Variants in USP53 observed in about 807,000 individuals in gnomAD.
The protein encoded by USP53 is ubiquitin specific peptidase 53.
Under a neutral mutation model 94.9 loss-of-function variants are expected in USP53, and 71 were observed. The ratio of observed to expected loss-of-function variants is 0.75; its 90% CI spans 0.62 to 0.91. The LOEUF (loss-of-function observed/expected upper bound fraction) is 0.91. USP53 is among the 40% of genes least tolerant of loss of function. The probability of loss-of-function intolerance (pLI) is 0.00; values close to 1 mark genes in which losing one functional copy is unlikely to be tolerated. For synonymous variants in USP53, 375 were observed against 422.7 expected (o/e 0.89, Z 1.39); for missense variants, 1,173 against 1,281.0 (o/e 0.92, Z 1.29).
chr4:119,220,174 A>G (rs113945497), intron 3 of USP53: 9 of 152,272 alleles, frequency 5.9e-5, no homozygotes, highest in African/African-American at 2.2e-4. Flanking sequence ...CGCATAAGAC[A>G]TTGGTATTGG....
At chr4:119,229,472 C>G (rs1365319840) in intron 3 of USP53, among the ~76,000 whole-genome samples, 1 of 152,162 alleles carries the variant, frequency 6.6e-6, no homozygotes, top group Non-Finnish European at 1.5e-5. Flanking sequence ...GAAACTCATT[C>G]ATTTTATCCC....
intron 3 of USP53, chr4:119,219,262 G>A (rs1744196136): frequency 6.6e-6 from 1 of 152,156 alleles, no homozygotes; most frequent in Non-Finnish European, 1.5e-5. Context: ...CCAAAATCCA[G>A]GTGTCAGCAG....
intron 17 of USP53, among the ~76,000 whole-genome samples, chr4:119,287,346 C>T (rs72912496): frequency 0.018 from 2,701 of 151,896 alleles, 96 homozygotes; most frequent in African/African-American, 0.062. Flanking sequence ...CTATATGGAG[C>T]GATGTTGGCA....
Position 119,248,760 on chromosome 4 carries a change from C to T in USP53, c.250C>T (p.Gln84Ter), listed in dbSNP as rs1748581300. Residue 84 changes from glutamine to a stop codon, truncating the protein, a stop_gained, in exon 7 of 19, where the codon CAG becomes TAG. Transcript: ENST00000692078. LOFTEE classifies it high-confidence loss of function. ...TGTCGATTCCCAGACGATATTTGCA[C>T]AGTTCCAACACAGTCGAGAAAAAGC... ...IFCALKTIFA[Q>*]FQHSREKALP... 1 of 1,611,070 alleles carries T rather than the reference C, an allele frequency of 6.2e-7. No individual in the cohort carries two copies. The highest frequency in any genetic ancestry group is 1.7e-5 in the Admixed American group (1 of 59,436).
At chr4:119,274,330 G>A (rs1752300334) in intron 17 of USP53, among the ~76,000 whole-genome samples, 2 of 144,652 alleles carry the variant, frequency 1.4e-5, no homozygotes, top group Admixed American at 1.5e-4. Flanking sequence ...TCCCACCTAT[G>A]AGTGAGAATA....
Position 119,248,839 on chromosome 4 carries a change from A to G in USP53, c.329A>G (p.Gln110Arg). Residue 110 changes from glutamine (Q) to arginine (R), a missense_variant, in exon 7 of 19, where the codon CAG (glutamine) becomes CGG (arginine). Transcript: ENST00000692078. The part of the protein sequence containing the change: ...HALAESFKDE[Q>R]RFQLGLMDDA... ...CTTGCAGAAAGTTTCAAAGATGAGC[A>G]GCGATTTCAACTTGGCCTTATGGAT... 6.2e-7 allele frequency: 1 copy of G among 1,614,186 alleles called. No homozygotes were observed. The highest frequency in any genetic ancestry group is 8.5e-7 in the Non-Finnish European group (1 of 1,180,030).
At chr4:119,231,009 T>C (rs941032028) in intron 3 of USP53, among the ~76,000 whole-genome samples, 3 of 152,022 alleles carry the variant, frequency 2.0e-5, no homozygotes, top group South Asian at 4.2e-4. Context: ...AGTCAGTAGG[T>C]CAAGTCAAGT....
intron 3 of USP53, among the ~76,000 whole-genome samples, chr4:119,227,251 A>AAC (rs1382891993): frequency 1.4e-5 from 2 of 141,290 alleles, no homozygotes; most frequent in Non-Finnish European, 3.0e-5. Context: ...AGCCTTGTCT[A>AAC]ACACTACACA....
At chr4:119,227,256 T>TAC (rs3138727) in intron 3 of USP53, among the ~76,000 whole-genome samples, 6,065 of 125,050 alleles carry the variant, frequency 0.049, 159 homozygotes, top group South Asian at 0.068. Context: ...TGTCTAACAC[T>TAC]ACACACACAC....
chr4:119,226,117 A>G (rs558833476), intron 3 of USP53, among the ~76,000 whole-genome samples: 2 of 152,340 alleles, frequency 1.3e-5, no homozygotes, highest in African/African-American at 2.4e-5. Flanking sequence ...GACAAAATTC[A>G]ACAACTGTTT....
intron 3 of USP53, among the ~76,000 whole-genome samples, chr4:119,226,344 A>AAAGAGGCTTACAGATTAGAAAGC: frequency 6.6e-6 from 1 of 152,248 alleles, no homozygotes; most frequent in South Asian, 2.1e-4. Context: ...GAACAAGATG[A>AAAGAGGCTTACAGATTAGAAAGC]AAGAGGCTTA....
At position 119,269,748 on chromosome 4, in the gene USP53, C is replaced by A; in HGVS notation, c.1346C>A (p.Ala449Asp). 2.0e-6 allele frequency: 3 copies of A among 1,509,664 alleles called. No homozygotes were observed. Among genetic ancestry groups the A allele is most frequent in the South Asian group, 1.4e-5 (1 of 72,440 alleles). 93.5% of individuals were successfully genotyped at this position (1,509,664 alleles called of 1,614,324 possible). ...ATAAAAGACATTTCCAGAGAATGTG[C>A]TCTGAAAGCTATTGAACAGAAAAAC... is the stretch of plus-strand genomic sequence containing the variant. ...EKIKDISREC[A>D]LKAIEQKNLL... The change falls in exon 15 of 19, where the codon GCT (alanine) becomes GAT (aspartate). Residue 449 changes from alanine to aspartate, a missense_variant. Ala to Asp is a moderately radical substitution (Grantham distance 126). Coordinates refer to ENST00000692078, the MANE Select transcript of USP53 (RefSeq NM_001371395.1).
chr4:119,279,685 C>T (rs1339929877), intron 17 of USP53, among the ~76,000 whole-genome samples: 9 of 151,926 alleles, frequency 5.9e-5, no homozygotes, highest in Non-Finnish European at 8.8e-5. Context: ...CAATGGCGGG[C>T]GCCCCTCCCC....
intron 7 of USP53, among the ~76,000 whole-genome samples, chr4:119,249,915 C>T (rs1451958884): frequency 5.9e-5 from 9 of 152,188 alleles, no homozygotes; most frequent in Non-Finnish European, 2.9e-5. Context: ...CTGCCTGCCT[C>T]AGCCTCCCAA....
intron 3 of USP53, among the ~76,000 whole-genome samples, chr4:119,226,920 AC>A (rs1745328749): frequency 6.6e-6 from 1 of 152,070 alleles, no homozygotes; most frequent in Non-Finnish European, 1.5e-5. Context: ...TGCAACCTCT[AC>A]CTTCCAGGCT....
rs1561298507 is a variant in USP53 at position 119,268,324 on chromosome 4, GA to G, written c.1193del (p.Asp398ValfsTer28). ...TAATTTAAAAGAAAATGGATTTGGT[GA>G]TCAGGCAAAGCAGAGAGAAAATCAG... ...SDNLKENGFG[D>X]QAKQRENQKF... On this transcript the variant is annotated frameshift_variant, in exon 14 of 19. Transcript: ENST00000692078. LOFTEE classifies it high-confidence loss of function. 1 of 1,613,824 alleles carries G rather than the reference GA, an allele frequency of 6.2e-7. No individual in the cohort carries two copies. The highest frequency in any genetic ancestry group is 1.3e-5 in the African/African-American group (1 of 75,020).
At chr4:119,277,584 G>A (rs1752820951) in intron 17 of USP53, among the ~76,000 whole-genome samples, 1 of 113,598 alleles carries the variant, frequency 8.8e-6, no homozygotes, top group Non-Finnish European at 1.8e-5. Context: ...CTGTTGATTT[G>A]GGGTGGAGAG....
intron 7 of USP53, among the ~76,000 whole-genome samples, chr4:119,254,874 A>T (rs1749541910): frequency 6.6e-6 from 1 of 152,114 alleles, no homozygotes; most frequent in Non-Finnish European, 1.5e-5. Context: ...TACCTTTGGT[A>T]TTTGATGTTG....
At chr4:119,249,388 G>C (rs952158338) in intron 7 of USP53, among the ~76,000 whole-genome samples, 4 of 152,136 alleles carry the variant, frequency 2.6e-5, no homozygotes, top group African/African-American at 9.7e-5. Flanking sequence ...TTAGTAAGTA[G>C]AGCATTCCTT....
Sources: gnomAD v4.1 joint callset for allele counts (sites outside exome capture counted in the v4.1 genomes callset) on GRCh38, gnomAD v4.1.1 for gene constraint, MANE v1.5 for transcripts, NCBI Gene and HGNC (gene_info 2026-07-23, HGNC 2026-07-21) for gene names.